KDM2A: variants seen among roughly 807,000 people sequenced by gnomAD.
KDM2A encodes the protein lysine demethylase 2A, also known as lysine-specific demethylase 2A.
KDM2A carries 3 observed loss-of-function variants against 137.3 expected under a neutral mutation model. The observed-to-expected ratio is 0.02, with a 90% confidence interval of 0.01 to 0.06. The LOEUF (loss-of-function observed/expected upper bound fraction) is 0.06. Ranked by LOEUF, KDM2A falls within the 10% of genes least tolerant of loss-of-function variation. The probability of loss-of-function intolerance (pLI) is 1.00; values close to 1 mark genes in which losing one functional copy is unlikely to be tolerated. For synonymous variants in KDM2A, 512 were observed against 541.5 expected (o/e 0.95, Z 0.76); for missense variants, 738 against 1,510.6 (o/e 0.49, Z 8.48).
chr11:67,168,818 A>G (rs938781770), intron 2 of KDM2A, among the ~76,000 whole-genome samples: 12 of 152,266 alleles, frequency 7.9e-5, no homozygotes, highest in Admixed American at 7.2e-4. Flanking sequence ...ATGCATTCAT[A>G]TGTTGTGGGA....
At chr11:67,234,416 G>A (rs760479991) in intron 12 of KDM2A, among the ~76,000 whole-genome samples, 1 of 152,192 alleles carries the variant, frequency 6.6e-6, no homozygotes, top group Non-Finnish European at 1.5e-5. Context: ...GAAGAGATGA[G>A]GGGAAAAGTG....
intron 10 of KDM2A, among the ~76,000 whole-genome samples, chr11:67,223,063 A>T (rs1858417715): frequency 6.6e-6 from 1 of 151,960 alleles, no homozygotes; most frequent in African/African-American, 2.4e-5. Context: ...GTGGTGGCAC[A>T]TGCCTGTAAT....
intron 5 of KDM2A, among the ~76,000 whole-genome samples, chr11:67,186,031 CATT>C (rs1157885749): frequency 6.6e-6 from 1 of 151,940 alleles, no homozygotes; most frequent in Non-Finnish European, 1.5e-5. Flanking sequence ...CCAACATACA[CATT>C]ATAGAAGTAC....
chr11:67,194,414 G>A (rs1225322977), intron 5 of KDM2A, among the ~76,000 whole-genome samples: 4 of 152,114 alleles, frequency 2.6e-5, no homozygotes, highest in Non-Finnish European at 5.9e-5. Flanking sequence ...CTGTGTCAAT[G>A]GCACATCTGA....
chr11:67,174,000 C>G (rs1165714442), intron 2 of KDM2A, among the ~76,000 whole-genome samples: 1 of 152,140 alleles, frequency 6.6e-6, no homozygotes, highest in Non-Finnish European at 1.5e-5. Flanking sequence ...CAGGCATGAG[C>G]CACCATGCCC....
intron 9 of KDM2A, 77 bp downstream of exon 9, chr11:67,217,961 G>T (rs1192961632): frequency 1.6e-6 from 2 of 1,250,822 alleles, no homozygotes; most frequent in East Asian, 5.1e-5. Context: ...TTACCACCAA[G>T]AATAGTTATG....
chr11:67,190,167 T>A (rs1162922888), intron 5 of KDM2A, among the ~76,000 whole-genome samples: 1 of 152,136 alleles, frequency 6.6e-6, no homozygotes, highest in Non-Finnish European at 1.5e-5. Context: ...CCCAGCACTT[T>A]GGGAGGCCGA....
chr11:67,190,470 T>C (rs146857447), intron 5 of KDM2A, among the ~76,000 whole-genome samples: 1 of 152,184 alleles, frequency 6.6e-6, no homozygotes, highest in African/African-American at 2.4e-5. Context: ...AAAAGGATTG[T>C]AAGAGAATAC....
chr11:67,175,043 T>C (rs1856949145), intron 2 of KDM2A, among the ~76,000 whole-genome samples: 2 of 152,154 alleles, frequency 1.3e-5, no homozygotes, highest in African/African-American at 2.4e-5. Context: ...TATTTGGTAA[T>C]GTTGATGGGC....
Position 67,245,487 on chromosome 11 carries a change from G to T in KDM2A, c.1833+29G>T. 1 of 1,608,766 alleles carries T rather than the reference G, an allele frequency of 6.2e-7. No individual in the cohort carries two copies. Among genetic ancestry groups the T allele is most frequent in the South Asian group, 1.1e-5 (1 of 90,914 alleles). On this transcript the variant is annotated intron_variant, in intron 14 of 20. Coordinates refer to ENST00000529006, the MANE Select transcript of KDM2A (RefSeq NM_012308.3). The surrounding 1 kb of genome is among the most constrained non-coding windows in gnomAD (Gnocchi z 4.1). ...AGTGATCTGCTGGGTAAAGAATTTTGGGGAGGGGTGGCAGTGCCAAAGGAA... is the reference window on the plus strand; with the variant it reads ...AGTGATCTGCTGGGTAAAGAATTTTTGGGAGGGGTGGCAGTGCCAAAGGAA...
At chr11:67,126,336 A>C (rs1360131015) in intron 2 of KDM2A, among the ~76,000 whole-genome samples, 4 of 151,978 alleles carry the variant, frequency 2.6e-5, no homozygotes, top group Admixed American at 6.6e-5. Flanking sequence ...GCACTTCGGG[A>C]GGCCAGGGAG....
chr11:67,126,600 C>G (rs1281212342), intron 2 of KDM2A, among the ~76,000 whole-genome samples: 1 of 150,694 alleles, frequency 6.6e-6, no homozygotes, highest in African/African-American at 2.4e-5. Flanking sequence ...CCCAGCTACT[C>G]AGGAGGCTCA....
chr11:67,188,362 G>T lies in KDM2A; in HGVS notation c.307+6470G>T, dbSNP rs571896731. ...CCGGGTGTGGTGGCAGGCGCCTGTA[G>T]TCCCAGCGACTCGGGAGGCTGAGGC... is the stretch of plus-strand genomic sequence containing the variant. On this transcript the variant is annotated intron_variant, in intron 5 of 20. Coordinates refer to ENST00000529006, the MANE Select transcript of KDM2A (RefSeq NM_012308.3). Among the ~76,000 whole-genome samples, 21 of 151,682 alleles carry T rather than the reference G, an allele frequency of 1.4e-4. No individual in the cohort carries two copies. In the South Asian group the frequency reaches 3.4e-3, roughly 24 times the overall value.
intron 15 of KDM2A, among the ~76,000 whole-genome samples, chr11:67,247,059 ATATATATATATATTTTTTTTTTTTTTTTT>A (rs1326058320): frequency 1.8e-4 from 4 of 22,526 alleles, no homozygotes; most frequent in African/African-American, 7.6e-4. Context: ...ATATATATAT[ATATATATATATATTTTTTTTTTTTTTTTT>A]TTTTTTTTTT....
intron 5 of KDM2A, among the ~76,000 whole-genome samples, chr11:67,194,264 C>T (rs1424320266): frequency 1.3e-5 from 2 of 152,150 alleles, no homozygotes; most frequent in Non-Finnish European, 2.9e-5. Flanking sequence ...GTAGTACATC[C>T]TTTCCCAAAC....
chr11:67,253,723 G>A, intron 19 of KDM2A, 112 bp downstream of exon 19: 1 of 1,122,846 alleles, frequency 8.9e-7, no homozygotes, highest in South Asian at 1.5e-5. Flanking sequence ...TGGAAGAATA[G>A]AAGAGCACAA....
In KDM2A at chr11:67,168,419, A is replaced by T. The variant is rs550019058; in HGVS notation, c.43-11660A>T. 3.9e-5 allele frequency among the ~76,000 whole-genome samples: 6 copies of T among 152,184 alleles called. No homozygotes were observed. In the South Asian group the frequency reaches 1.2e-3, roughly 32 times the overall value. ...ACATTAAATTGTAATTCTATAATTT[A>T]TTTACATATTTGTTGCCCCCTAGTG... On this transcript the variant is annotated intron_variant, in intron 2 of 20. Transcript: ENST00000529006.
chr11:67,120,337 C>T (rs1376344806), intron 1 of KDM2A, among the ~76,000 whole-genome samples: 1 of 152,214 alleles, frequency 6.6e-6, no homozygotes, highest in Non-Finnish European at 1.5e-5. Flanking sequence ...ATCGGGTCCT[C>T]TGGTCTCGTA....
intron 6 of KDM2A, among the ~76,000 whole-genome samples, chr11:67,208,224 A>G (rs749188066): frequency 2.0e-5 from 3 of 151,304 alleles, no homozygotes; most frequent in Non-Finnish European, 4.4e-5. Flanking sequence ...AAATTTTAAA[A>G]TTTATTATTA....
Sources: allele counts gnomAD v4.1 joint callset (sites outside exome capture counted in the v4.1 genomes callset), GRCh38; gene constraint gnomAD v4.1.1; non-coding constraint Gnocchi (gnomAD v3.1); transcripts MANE v1.5; gene names NCBI Gene and HGNC (gene_info 2026-07-23, HGNC 2026-07-21).